DMD: variants seen among roughly 807,000 people sequenced by gnomAD.
DMD encodes dystrophin.
DMD carries 63 observed loss-of-function variants against 330.1 expected under a neutral mutation model. The observed-to-expected ratio is 0.19, with a 90% CI of 0.16 to 0.24. DMD has a LOEUF of 0.24. Ranked by LOEUF, DMD falls within the 10% of genes least tolerant of loss-of-function variation. The probability of loss-of-function intolerance (pLI) is 1.00; values close to 1 mark genes in which losing one functional copy is unlikely to be tolerated. For missense variants in DMD, 3,344 were observed against 2,684.1 expected (o/e 1.25, Z -5.43); for synonymous variants, 1,223 against 959.8 (o/e 1.27, Z -5.07).
chrX:31,812,208 T>C (rs745902037), intron 50 of DMD, among the ~76,000 whole-genome samples: 1 of 110,138 alleles, frequency 9.1e-6, no homozygotes, highest in South Asian at 3.9e-4. Flanking sequence ...AATTAAAATG[T>C]ATAAATCACC....
In DMD at chrX:31,811,930, C is replaced by T. The variant is rs1365836326; in HGVS notation, c.7309+8045G>A. 2.7e-5 allele frequency among the ~76,000 whole-genome samples: 3 copies of T among 111,161 alleles called. No homozygotes were observed. The East Asian group carries it at 8.5e-4, about 31-fold the overall frequency. ...AGGACCCAAGAGAGGAATAAGAATG[C>T]AAGAACTAATTGCCATCCTCTTTTT... On this transcript the variant is annotated intron_variant, in intron 50 of 78. Coordinates refer to ENST00000357033, the MANE Select transcript of DMD (RefSeq NM_004006.3).
intron 53 of DMD, among the ~76,000 whole-genome samples, chrX:31,669,655 C>A (rs750458161): frequency 7.2e-5 from 8 of 111,394 alleles, no homozygotes; most frequent in Non-Finnish European, 1.5e-4. Context: ...ACTTTCAATT[C>A]TATTTCATTG....
chrX:32,331,015 AT>A (rs2097676672), intron 41 of DMD, among the ~76,000 whole-genome samples: 1 of 111,884 alleles, frequency 8.9e-6, no homozygotes, highest in Non-Finnish European at 1.9e-5. Flanking sequence ...CTACATCTTG[AT>A]GCTGGAACCC....
intron 57 of DMD, among the ~76,000 whole-genome samples, chrX:31,488,815 C>A (rs906877160): frequency 3.6e-5 from 4 of 111,875 alleles, no homozygotes; most frequent in African/African-American, 1.3e-4. Context: ...CAAGAGTCAA[C>A]TTCTAAACAC....
At chrX:32,143,542 T>TC (rs1216428402) in intron 44 of DMD, among the ~76,000 whole-genome samples, 8 of 98,226 alleles carry the variant, frequency 8.1e-5, no homozygotes, top group African/African-American at 3.0e-4. Context: ...AAAAATACAT[T>TC]TTTTTTTTTT....
intron 17 of DMD, among the ~76,000 whole-genome samples, chrX:32,523,429 T>G (rs1432157564): frequency 8.9e-6 from 1 of 112,041 alleles, no homozygotes; most frequent in Non-Finnish European, 1.9e-5. Flanking sequence ...TTCTCTCTAT[T>G]AGCTAGCCAT....
At chrX:32,327,949 T>TA (rs2097659542) in intron 41 of DMD, among the ~76,000 whole-genome samples, 1 of 111,668 alleles carries the variant, frequency 9.0e-6, no homozygotes, top group Non-Finnish European at 1.9e-5. Flanking sequence ...TTTTCACTTC[T>TA]CAAAACTTTT....
At chrX:31,213,854 A>C (rs1475659470) in intron 64 of DMD, among the ~76,000 whole-genome samples, 1 of 112,235 alleles carries the variant, frequency 8.9e-6, no homozygotes, top group Admixed American at 9.4e-5. Context: ...GAAAAAAAGA[A>C]GATTCTGATA....
intron 44 of DMD, among the ~76,000 whole-genome samples, chrX:32,111,353 T>A (rs1229525266): frequency 1.8e-5 from 2 of 112,153 alleles, no homozygotes; most frequent in African/African-American, 3.2e-5. Flanking sequence ...ATAAGCGCTA[T>A]CCCTTCTTGA....
chrX:32,746,477 C>A (rs1349159318), intron 7 of DMD, among the ~76,000 whole-genome samples: 1 of 111,705 alleles, frequency 9.0e-6, no homozygotes, highest in Non-Finnish European at 1.9e-5. Context: ...CACCTGGGAC[C>A]TTTTTAGAAA....
intron 4 of DMD, among the ~76,000 whole-genome samples, chrX:32,825,656 G>A (rs1395811924): frequency 1.8e-5 from 2 of 111,603 alleles, no homozygotes; most frequent in Non-Finnish European, 3.8e-5. Context: ...AACAAAATGT[G>A]GTATGTACAT....
intron 2 of DMD, among the ~76,000 whole-genome samples, chrX:32,997,414 T>A (rs1430577467): frequency 1.8e-5 from 2 of 110,896 alleles, no homozygotes; most frequent in Non-Finnish European, 3.8e-5. Flanking sequence ...CCCGACTGAT[T>A]TTTGTATTTT....
intron 11 of DMD, among the ~76,000 whole-genome samples, chrX:32,633,311 C>T (rs1398772001): frequency 9.0e-6 from 1 of 111,401 alleles, no homozygotes; most frequent in Non-Finnish European, 1.9e-5. Context: ...ATAATACAGC[C>T]AACTTCTTTG....
At position 32,310,064 on chromosome X, in the gene DMD, A is replaced by C. The variant is rs1241365371; in HGVS notation, c.6117+18T>G. ...ATGATCACCTTGTAAAATACGAATG[A>C]AAGTGCTTTGGTTTTACCTTCAGAG... is the stretch of plus-strand genomic sequence containing the variant. On this transcript the variant is annotated intron_variant, in intron 42 of 78. Transcript: ENST00000357033. The C allele has an allele frequency of 8.4e-7, 1 of 1,190,180 alleles. No individual in the cohort carries two copies. The highest frequency in any genetic ancestry group is 1.1e-6 in the Non-Finnish European group (1 of 877,879).
intron 2 of DMD, among the ~76,000 whole-genome samples, chrX:33,011,770 T>C (rs2093706051): frequency 8.9e-6 from 1 of 111,970 alleles, no homozygotes; most frequent in South Asian, 3.7e-4. Context: ...TGTTCTTTTC[T>C]AAATAAAAAT....
intron 9 of DMD, among the ~76,000 whole-genome samples, chrX:32,661,147 A>G (rs1448111938): frequency 9.0e-6 from 1 of 111,495 alleles, no homozygotes; most frequent in East Asian, 2.8e-4. Context: ...GAGACATTAT[A>G]ATATGTCCTT....
At chrX:33,171,403 C>T (rs767946630) in intron 1 of DMD, among the ~76,000 whole-genome samples, 2 of 111,268 alleles carry the variant, frequency 1.8e-5, no homozygotes, top group South Asian at 3.7e-4. Context: ...GGGACTTGTC[C>T]TACATTTACT....
intron 52 of DMD, among the ~76,000 whole-genome samples, chrX:31,714,593 A>G (rs1416764626): frequency 9.0e-6 from 1 of 111,377 alleles, no homozygotes; most frequent in Non-Finnish European, 1.9e-5. Context: ...CAAGTATTTT[A>G]GAGGATGAAA....
intron 47 of DMD, among the ~76,000 whole-genome samples, chrX:31,881,461 T>C (rs1306512365): frequency 9.0e-6 from 1 of 111,013 alleles, no homozygotes; most frequent in African/African-American, 3.3e-5. Flanking sequence ...TATACAGTGT[T>C]TGTAAACTGT....
Sources: allele counts gnomAD v4.1 joint callset (sites outside exome capture counted in the v4.1 genomes callset), GRCh38; gene constraint gnomAD v4.1.1; transcripts MANE v1.5; gene names NCBI Gene and HGNC (gene_info 2026-07-23, HGNC 2026-07-21).